Variants in C20orf203 observed in about 807,000 individuals in gnomAD.
C20orf203 encodes the protein uncharacterized protein C20orf203.
C20orf203 carries 16 observed loss-of-function variants against 15.9 expected under a neutral mutation model. The ratio of observed to expected loss-of-function variants is 1.01; its 90% CI spans 0.68 to 1.53. The LOEUF (loss-of-function observed/expected upper bound fraction) is 1.53, where lower values mean the gene tolerates loss of function less well. Among genes scored for constraint, C20orf203 ranks in the 40% most tolerant of loss-of-function variants. The pLI is 0.00. For missense variants in C20orf203, 263 were observed against 247.5 expected (o/e 1.06, Z -0.42); for synonymous variants, 98 against 97.2 (o/e 1.01, Z -0.05).
intron 1 of C20orf203, among the ~76,000 whole-genome samples, chr20:32,671,013 TA>T (rs10590852): frequency 0.023 from 3,271 of 144,678 alleles, 123 homozygotes; most frequent in African/African-American, 0.074. Flanking sequence ...TGCCATTATT[TA>T]AAAAAAAAAA....
At position 32,660,828 on chromosome 20, in the gene C20orf203, T is replaced by C. The variant is rs558592476; in HGVS notation, c.-263-8847A>G. Among the ~76,000 whole-genome samples, 6 of 152,284 alleles carry C rather than the reference T, an allele frequency of 3.9e-5. No homozygotes were observed. The East Asian group carries it at 7.7e-4, about 20-fold the overall frequency. ...ATCATGGCAGAAGAGGAATCAAGCATGTCCTTCTTCACACGGCGGCAGGAG... is the reference window on the plus strand; with the variant it reads ...ATCATGGCAGAAGAGGAATCAAGCACGTCCTTCTTCACACGGCGGCAGGAG... On this transcript the variant is annotated intron_variant, in intron 1 of 5. Coordinates refer to ENST00000608990, the MANE Select transcript of C20orf203 (RefSeq NM_182584.4).
chr20:32,664,553 C>T (rs915874749), intron 1 of C20orf203, among the ~76,000 whole-genome samples: 11 of 152,314 alleles, frequency 7.2e-5, no homozygotes, highest in South Asian at 4.1e-4. Flanking sequence ...AGCTTGAGGT[C>T]GATGGAAACC....
At chr20:32,640,463 G>A (rs1982250030) in intron 5 of C20orf203, 103 bp downstream of exon 5, 1 of 152,068 alleles carries the variant, frequency 6.6e-6, no homozygotes, top group Admixed American at 6.6e-5. Flanking sequence ...AGGCCAAAGT[G>A]GGCAGATCAC....
intron 1 of C20orf203, among the ~76,000 whole-genome samples, chr20:32,660,843 G>A (rs760427941): frequency 9.2e-5 from 14 of 151,882 alleles, no homozygotes; most frequent in Admixed American, 4.6e-4. Flanking sequence ...TTCTTCACAC[G>A]GCGGCAGGAG....
chr20:32,657,979 AAAAAGAAAG>A (rs892228345), intron 1 of C20orf203: 1 of 152,190 alleles, frequency 6.6e-6, no homozygotes, highest in Non-Finnish European at 1.5e-5. Flanking sequence ...CTAAAAAAAA[AAAAAGAAAG>A]AAAGAAAGAA....
intron 1 of C20orf203, among the ~76,000 whole-genome samples, chr20:32,656,240 T>C (rs149844136): frequency 0.01 from 1,562 of 152,300 alleles, 26 homozygotes; most frequent in Non-Finnish European, 0.014. Flanking sequence ...AGGATGTAAA[T>C]AGACATTTCT....
intron 1 of C20orf203, among the ~76,000 whole-genome samples, chr20:32,666,312 C>T (rs1983024046): frequency 6.6e-6 from 1 of 151,376 alleles, no homozygotes; most frequent in Non-Finnish European, 1.5e-5. Context: ...ACAAAAAATA[C>T]AAAAATTAAC....
chr20:32,637,577 T>G (rs993098404), intron 5 of C20orf203, among the ~76,000 whole-genome samples: 1 of 152,178 alleles, frequency 6.6e-6, no homozygotes, highest in Non-Finnish European at 1.5e-5. Flanking sequence ...CTTTACAGGC[T>G]TCCCTAGCAT....
In C20orf203 at chr20:32,651,110, G is replaced by C; in HGVS notation, c.43C>G (p.Leu15Val). The change falls in exon 3 of 6, where the codon CTC (leucine) becomes GTC (valine). Residue 15 changes from leucine (L) to valine (V), a missense_variant. Transcript: ENST00000608990. ...AGCATGTTGGGAGGCTGAGGCAGGAGAATCGCTTGAGCCCGGGAGTTCAAG... is the reference window on the plus strand; with the variant it reads ...AGCATGTTGGGAGGCTGAGGCAGGACAATCGCTTGAGCCCGGGAGTTCAAG... ...PVLNSRAQAI[L>V]LPQPPNMLDH... is the part of the protein sequence containing the mutation. The C allele has an allele frequency of 1.5e-6, 2 of 1,364,746 alleles. No individual in the cohort carries two copies. The highest frequency in any genetic ancestry group is 1.3e-5 in the South Asian group (1 of 75,360). The allele number at this position is 1,364,746 out of a possible 1,614,324, so 84.5% of individuals were successfully genotyped here.
intron 1 of C20orf203, among the ~76,000 whole-genome samples, chr20:32,655,112 C>A (rs1982723514): frequency 6.6e-6 from 1 of 152,144 alleles, no homozygotes; most frequent in Non-Finnish European, 1.5e-5. Flanking sequence ...TGCCTCACAC[C>A]ATACACAAAA....
At chr20:32,671,073 TG>T (rs1983155808) in intron 1 of C20orf203, among the ~76,000 whole-genome samples, 1 of 150,116 alleles carries the variant, frequency 6.7e-6, no homozygotes, top group South Asian at 2.1e-4. Flanking sequence ...CCCTTGTGCA[TG>T]GTTAGTGGGA....
chr20:32,670,622 A>T (rs1342696366), intron 1 of C20orf203, among the ~76,000 whole-genome samples: 1 of 152,178 alleles, frequency 6.6e-6, no homozygotes, highest in Non-Finnish European at 1.5e-5. Context: ...TCACGAGGTC[A>T]GGAGTTTAAG....
intron 4 of C20orf203, among the ~76,000 whole-genome samples, chr20:32,643,625 CCACACACACACACACACACACACACACA>C (rs56325748): frequency 1.6e-4 from 22 of 140,844 alleles, no homozygotes; most frequent in Admixed American, 7.2e-4. Flanking sequence ...CTTCCTGGAA[CCACACACACACACACACACACACACACA>C]CACACACACA....
At chr20:32,658,204 A>C (rs996745842) in intron 1 of C20orf203, among the ~76,000 whole-genome samples, 1 of 152,116 alleles carries the variant, frequency 6.6e-6, no homozygotes, top group Admixed American at 6.6e-5. Context: ...GGCACCTGGC[A>C]TTCTGATTTT....
At position 32,633,900 on chromosome 20, in the gene C20orf203, C is replaced by T. The variant is rs1437832393; in HGVS notation, c.*1670G>A. On this transcript the variant is annotated 3_prime_UTR_variant, in exon 6 of 6. Transcript: ENST00000608990. ...GGCCCCTGCTCTGAACCTTCCACCC[C>T]GTCCGCCTGGACTGGATGCTTCTCC... 1.5e-5 allele frequency: 6 copies of T among 397,342 alleles called. No homozygotes were observed. Among genetic ancestry groups the T allele is most frequent in the Non-Finnish European group, 2.2e-5 (5 of 225,810 alleles). 24.6% of individuals were successfully genotyped at this position (397,342 alleles called of 1,614,324 possible).
At chr20:32,639,116 G>C (rs551788641) in intron 5 of C20orf203, among the ~76,000 whole-genome samples, 1 of 152,330 alleles carries the variant, frequency 6.6e-6, no homozygotes, top group Admixed American at 6.5e-5. Flanking sequence ...TGGCTCCCCT[G>C]GCTGGCCTGG....
At chr20:32,651,496 A>G (rs11697969) in intron 2 of C20orf203, among the ~76,000 whole-genome samples, 61,841 of 152,124 alleles carry the variant, frequency 0.41, 13,376 homozygotes, top group Middle Eastern at 0.52. Flanking sequence ...AGACACCTTT[A>G]CCAACCAACG....
In C20orf203 at chr20:32,644,435, G is replaced by A. The variant is rs569645902; in HGVS notation, c.*1178-3748C>T. ...TGCACTCCAGCCTGGGCGACAGAGC[G>A]AGACTCCATCTCTAAAACCAAAACA... On this transcript the variant is annotated intron_variant, in intron 4 of 5. Coordinates refer to ENST00000608990, the MANE Select transcript of C20orf203 (RefSeq NM_182584.4). Among the ~76,000 whole-genome samples the A allele has an allele frequency of 1.0e-3, 153 of 152,248 alleles. 2 individuals are homozygous for A. The highest frequency in any genetic ancestry group is 3.3e-3 in the African/African-American group (139 of 41,542).
intron 4 of C20orf203, among the ~76,000 whole-genome samples, chr20:32,648,376 T>C (rs189339031): frequency 1.5e-3 from 220 of 151,206 alleles, no homozygotes; most frequent in African/African-American, 4.8e-3. Flanking sequence ...ATTCTCTCTG[T>C]CTCTTGCCCC....
Sources: allele counts gnomAD v4.1 joint callset (sites outside exome capture counted in the v4.1 genomes callset), GRCh38; gene constraint gnomAD v4.1.1; transcripts MANE v1.5; gene names NCBI Gene and HGNC (gene_info 2026-07-23, HGNC 2026-07-21).